Variants in FGGY observed in about 807,000 individuals in gnomAD.
The protein encoded by FGGY is FGGY carbohydrate kinase domain containing.
A neutral mutation model predicts 71.3 loss-of-function variants in FGGY; 72 were observed. That is an observed-to-expected ratio of 1.01 (90% confidence interval 0.84 to 1.23). The LOEUF (loss-of-function observed/expected upper bound fraction) is 1.23. Among genes scored for constraint, FGGY ranks in the 50% most tolerant of loss-of-function variants. The probability of loss-of-function intolerance (pLI) is 0.00; values close to 1 mark genes in which losing one functional copy is unlikely to be tolerated. For synonymous variants in FGGY, 251 were observed against 250.3 expected (o/e 1.00, Z -0.02); for missense variants, 668 against 682.3 (o/e 0.98, Z 0.23).
intron 5 of FGGY, among the ~76,000 whole-genome samples, chr1:59,384,611 T>A (rs2059867407): frequency 1.3e-5 from 2 of 152,146 alleles, no homozygotes; most frequent in African/African-American, 4.8e-5. Context: ...AGTCTTTACA[T>A]TAAGCATAGA....
intron 5 of FGGY, among the ~76,000 whole-genome samples, chr1:59,453,333 C>T (rs1186738424): frequency 2.6e-5 from 4 of 152,204 alleles, no homozygotes; most frequent in African/African-American, 9.6e-5. Context: ...AAGACCAAGA[C>T]ATCCCTAACT....
intron 6 of FGGY, among the ~76,000 whole-genome samples, chr1:59,464,216 C>A (rs544333083): frequency 6.6e-6 from 1 of 152,204 alleles, no homozygotes; most frequent in African/African-American, 2.4e-5. Context: ...GAAACTCACT[C>A]AAAACTGCAC....
In FGGY at chr1:59,428,915, A is replaced by G. The variant is rs188729225; in HGVS notation, c.555-28046A>G. On this transcript the variant is annotated intron_variant, in intron 5 of 15. Transcript: ENST00000303721. ...CTCACTTATGTCTGTTCTGTTGTCC[A>G]GAACTTAGTGAAAATCCTGGTCCTT... is the stretch of plus-strand genomic sequence containing the variant. Among the ~76,000 whole-genome samples, 56 of 152,346 alleles carry G rather than the reference A, an allele frequency of 3.7e-4. 1 individual carries two copies. Among genetic ancestry groups the G allele is most frequent in the Non-Finnish European group, 4.4e-5 (3 of 68,022 alleles).
intron 7 of FGGY, among the ~76,000 whole-genome samples, chr1:59,535,340 G>C (rs1434743327): frequency 6.6e-6 from 1 of 152,048 alleles, no homozygotes; most frequent in Non-Finnish European, 1.5e-5. Flanking sequence ...AGCAAGTCCT[G>C]AGTGACCTAC....
intron 2 of FGGY, among the ~76,000 whole-genome samples, chr1:59,329,479 C>T (rs1414421702): frequency 2.0e-5 from 3 of 152,202 alleles, no homozygotes; most frequent in Admixed American, 6.5e-5. Context: ...AAGTGAAGCA[C>T]GATAAAATGA....
At chr1:59,540,756 A>G (rs1373557940) in intron 7 of FGGY, among the ~76,000 whole-genome samples, 1 of 152,206 alleles carries the variant, frequency 6.6e-6, no homozygotes, top group Non-Finnish European at 1.5e-5. Context: ...GTATGAAATA[A>G]CCTGGCTCTG....
intron 8 of FGGY, among the ~76,000 whole-genome samples, chr1:59,586,741 G>A (rs2153773999): frequency 6.6e-6 from 1 of 152,220 alleles, no homozygotes; most frequent in Non-Finnish European, 1.5e-5. Flanking sequence ...GGGGATTTGG[G>A]GAAGAGTAGA....
chr1:59,671,464 A>T (rs2097376601), intron 13 of FGGY, among the ~76,000 whole-genome samples: 1 of 152,160 alleles, frequency 6.6e-6, no homozygotes, highest in South Asian at 2.1e-4. Flanking sequence ...TTAGCCAAGG[A>T]TGAAACCAGA....
intron 7 of FGGY, among the ~76,000 whole-genome samples, chr1:59,521,093 C>T (rs555342381): frequency 6.6e-5 from 10 of 152,200 alleles, no homozygotes; most frequent in African/African-American, 2.2e-4. Flanking sequence ...AGGAGAAAAC[C>T]GTGCCAGTCC....
rs1044324374 is a variant in FGGY, at chr1:59,547,606, A to G, written c.800-6518A>G. 2.0e-5 allele frequency among the ~76,000 whole-genome samples: 3 copies of G among 152,188 alleles called. No homozygotes were observed. The East Asian group carries it at 5.8e-4, about 29-fold the overall frequency. ...AAAGTGATAATAACTACCTTGCAGTATCACTGTGGGAATCAAATATGATAA... is the reference window on the plus strand; with the variant it reads ...AAAGTGATAATAACTACCTTGCAGTGTCACTGTGGGAATCAAATATGATAA... On this transcript the variant is annotated intron_variant, in intron 7 of 15. Transcript: ENST00000303721.
At chr1:59,538,405 A>T (rs567054268) in intron 7 of FGGY, among the ~76,000 whole-genome samples, 60 of 152,154 alleles carry the variant, frequency 3.9e-4, no homozygotes, top group Admixed American at 3.9e-3. Context: ...GGGACTGTAA[A>T]CTAGTTGAAC....
At chr1:59,441,846 G>A (rs1347914090) in intron 5 of FGGY, among the ~76,000 whole-genome samples, 1 of 152,178 alleles carries the variant, frequency 6.6e-6, no homozygotes, top group Non-Finnish European at 1.5e-5. Flanking sequence ...TAGGAGATCA[G>A]TTATTCCATT....
intron 8 of FGGY, among the ~76,000 whole-genome samples, chr1:59,607,282 G>A (rs1043478921): frequency 2.0e-5 from 3 of 152,192 alleles, no homozygotes; most frequent in African/African-American, 7.2e-5. Flanking sequence ...CAGCAGCCTT[G>A]TAGGGCATGG....
At chr1:59,367,247 T>C (rs1216419723) in intron 4 of FGGY, among the ~76,000 whole-genome samples, 1 of 152,216 alleles carries the variant, frequency 6.6e-6, no homozygotes, top group African/African-American at 2.4e-5. Context: ...ACAATTATTT[T>C]ATTCATTCTG....
chr1:59,468,995 A>C (rs2092797585), intron 6 of FGGY, among the ~76,000 whole-genome samples: 1 of 152,086 alleles, frequency 6.6e-6, no homozygotes, highest in South Asian at 2.1e-4. Flanking sequence ...CTTTGGTCAC[A>C]CTGAATCAAA....
intron 4 of FGGY, among the ~76,000 whole-genome samples, chr1:59,374,604 C>A (rs1051852731): frequency 1.3e-5 from 2 of 152,002 alleles, no homozygotes; most frequent in Admixed American, 1.3e-4. Flanking sequence ...CACATGCACA[C>A]GTATGTTTAT....
chr1:59,543,844 C>T (rs1395601002), intron 7 of FGGY, among the ~76,000 whole-genome samples: 1 of 152,166 alleles, frequency 6.6e-6, no homozygotes, highest in African/African-American at 2.4e-5. Flanking sequence ...ACTTTCCCTA[C>T]CTTCAAGGAG....
intron 4 of FGGY, among the ~76,000 whole-genome samples, chr1:59,347,934 A>C (rs1341191569): frequency 2.6e-5 from 4 of 152,228 alleles, no homozygotes; most frequent in Non-Finnish European, 4.4e-5. Flanking sequence ...AGCAATGGCA[A>C]CAAAAGCCAA....
chr1:59,557,175 G>A (rs1249305103), intron 8 of FGGY, among the ~76,000 whole-genome samples: 1 of 152,118 alleles, frequency 6.6e-6, no homozygotes, highest in African/African-American at 2.4e-5. Context: ...GACCCCCTTT[G>A]TTGTGGTTCT....
Sources: gnomAD v4.1 joint callset for allele counts (sites outside exome capture counted in the v4.1 genomes callset) on GRCh38, gnomAD v4.1.1 for gene constraint, MANE v1.5 for transcripts, NCBI Gene and HGNC (gene_info 2026-07-23, HGNC 2026-07-21) for gene names.